Variants in CDH10 observed in about 807,000 individuals in gnomAD.
CDH10 encodes cadherin-10.
A neutral mutation model predicts 73.1 loss-of-function variants in CDH10; 30 were observed. The observed-to-expected ratio is 0.41, with a 90% CI of 0.31 to 0.56. The LOEUF is 0.56. Ranked by LOEUF, CDH10 falls within the 20% of genes least tolerant of loss-of-function variation. CDH10 has a pLI of 0.27. For synonymous variants in CDH10, 345 were observed against 348.2 expected, an observed-to-expected ratio of 0.99 and a Z score of 0.10; for missense variants, 815 against 973.7, an observed-to-expected ratio of 0.84 and a Z score of 2.17.
chr5:24,622,261 T>TTGC (rs1747343585), intron 1 of CDH10, among the ~76,000 whole-genome samples: 3 of 104,742 alleles, frequency 2.9e-5, no homozygotes, highest in Non-Finnish European at 6.2e-5. Context: ...TGTGCGAATG[T>TTGC]TGACAAAATT....
chr5:24,611,677 C>T (rs1746954927), intron 1 of CDH10: 1 of 152,034 alleles, frequency 6.6e-6, no homozygotes, highest in Non-Finnish European at 1.5e-5. Context: ...CCTATGTGAT[C>T]CCATCTTCTT....
rs1747752520 is a variant in CDH10, at chr5:24,632,959, A to G, written c.-124+11635T>C. On this transcript the variant is annotated intron_variant, in intron 1 of 11. Coordinates refer to ENST00000264463, the MANE Select transcript of CDH10 (RefSeq NM_006727.5). ...ATACTTTAGGATGTAACATAAATGT[A>G]TCCAGATCGATTGATAAATAGATAC... 2.6e-5 allele frequency among the ~76,000 whole-genome samples: 4 copies of G among 151,882 alleles called. No homozygotes were observed. The South Asian group carries it at 8.3e-4, about 31-fold the overall frequency.
chr5:24,537,181 A>G (rs1481431830), intron 3 of CDH10, among the ~76,000 whole-genome samples, 199 bp downstream of exon 3: 2 of 151,950 alleles, frequency 1.3e-5, no homozygotes, highest in Non-Finnish European at 2.9e-5. Context: ...TGTATTATAA[A>G]GATTCACAAA....
At chr5:24,618,744 A>C (rs1246021778) in intron 1 of CDH10, among the ~76,000 whole-genome samples, 1 of 152,234 alleles carries the variant, frequency 6.6e-6, no homozygotes, top group African/African-American at 2.4e-5. Context: ...TCAAATGTTT[A>C]TACATAATCA....
At chr5:24,500,712 G>A (rs1422902614) in intron 8 of CDH10, among the ~76,000 whole-genome samples, 2 of 152,196 alleles carry the variant, frequency 1.3e-5, no homozygotes, top group Non-Finnish European at 2.9e-5. Context: ...GAAAGTATCA[G>A]TTTAATGATC....
At chr5:24,542,339 G>A (rs1270885528) in intron 2 of CDH10, among the ~76,000 whole-genome samples, 2 of 152,106 alleles carry the variant, frequency 1.3e-5, no homozygotes, top group African/African-American at 4.8e-5. Context: ...TGTGCCACAT[G>A]AAAACATTTC....
chr5:24,533,578 T>G (rs1332475035), intron 5 of CDH10, among the ~76,000 whole-genome samples: 1 of 152,086 alleles, frequency 6.6e-6, no homozygotes, highest in African/African-American at 2.4e-5. Flanking sequence ...TTTTCTCCAG[T>G]AATAGTTTTG....
intron 1 of CDH10, among the ~76,000 whole-genome samples, chr5:24,637,116 A>G (rs1239614591): frequency 2.6e-5 from 4 of 151,956 alleles, no homozygotes; most frequent in African/African-American, 9.7e-5. Flanking sequence ...TATTTATCAA[A>G]GCTGGAATAT....
At chr5:24,585,316 C>A (rs1299572803) in intron 2 of CDH10, among the ~76,000 whole-genome samples, 1 of 152,140 alleles carries the variant, frequency 6.6e-6, no homozygotes, top group Non-Finnish European at 1.5e-5. Flanking sequence ...GAGTTTGTAT[C>A]ACTCAACAAG....
chr5:24,516,077 C>G (rs372552148), intron 5 of CDH10, among the ~76,000 whole-genome samples: 1 of 152,134 alleles, frequency 6.6e-6, no homozygotes, highest in Admixed American at 6.5e-5. Context: ...CAGACTAATA[C>G]AATGACCCTG....
At chr5:24,506,727 TGAAA>T (rs1298296974) in intron 7 of CDH10, among the ~76,000 whole-genome samples, 2 of 152,192 alleles carry the variant, frequency 1.3e-5, no homozygotes, top group Non-Finnish European at 2.9e-5. Context: ...ATTTGTTAAA[TGAAA>T]GAAAGAATGA....
Position 24,487,941 on chromosome 5 carries a change from T to A in CDH10, c.2089A>T (p.Ile697Phe). 6.2e-7 allele frequency: 1 copy of A among 1,614,004 alleles called. No homozygotes were observed. Among genetic ancestry groups the A allele is most frequent in the Middle Eastern group, 1.6e-4 (1 of 6,062 alleles). ...GGAGCTGTAGGAGTCCTCCGAGGAA[T>A]AAATAACGTTTCTGGAATAATATCT... is the stretch of plus-strand genomic sequence containing the variant. ...RRDIIPETLF[I>F]PRRTPTAPDN... Residue 697 changes from isoleucine (I) to phenylalanine (F), a missense_variant, in exon 12 of 12, where the codon ATT becomes TTT. Coordinates refer to ENST00000264463, the MANE Select transcript of CDH10 (RefSeq NM_006727.5).
intron 8 of CDH10, among the ~76,000 whole-genome samples, chr5:24,500,336 C>T (rs890135975): frequency 1.3e-5 from 2 of 152,150 alleles, no homozygotes; most frequent in Non-Finnish European, 1.5e-5. Flanking sequence ...CAGACAGAAT[C>T]GAAGTGTATT....
intron 11 of CDH10, among the ~76,000 whole-genome samples, chr5:24,491,280 T>C (rs140980474): frequency 2.5e-4 from 38 of 152,316 alleles, no homozygotes; most frequent in Middle Eastern, 6.8e-3. Flanking sequence ...TTTTCCTTTG[T>C]TTACTGCATT....
At chr5:24,596,547 C>T (rs986701267) in intron 1 of CDH10, among the ~76,000 whole-genome samples, 1 of 151,856 alleles carries the variant, frequency 6.6e-6, no homozygotes, top group Admixed American at 6.6e-5. Context: ...AGGCTCAAAT[C>T]AATTAAAATT....
chr5:24,615,449 T>C (rs184968029), intron 1 of CDH10, among the ~76,000 whole-genome samples: 198 of 152,332 alleles, frequency 1.3e-3, no homozygotes, highest in South Asian at 2.7e-3. Flanking sequence ...CTGAAATACA[T>C]TCTACATGAG....
At chr5:24,581,073 C>A (rs1306432577) in intron 2 of CDH10, among the ~76,000 whole-genome samples, 1 of 152,128 alleles carries the variant, frequency 6.6e-6, no homozygotes, top group Admixed American at 6.6e-5. Flanking sequence ...GACATGCTCA[C>A]AGTTGTGAGG....
intron 9 of CDH10, among the ~76,000 whole-genome samples, chr5:24,497,250 G>A (rs187258367): frequency 7.1e-4 from 108 of 152,014 alleles, no homozygotes; most frequent in Middle Eastern, 3.4e-3. Context: ...AAATCAAATA[G>A]AATAACCATA....
Position 24,491,664 on chromosome 5 carries a change from T to C in CDH10, c.1788A>G (p.Gln596=), listed in dbSNP as rs759467183. The part of the protein sequence containing the change: ...VCACDSQGNM[Q]SCSAEALLLP... ...GGAGCAGGGCTTCAGCACTGCAGGA[T>C]TGCATGTTGCCTTGGCTGTCACAAG... Residue 596 remains glutamine (Q), a synonymous_variant, in exon 11 of 12, where the codon CAA becomes CAG. Transcript: ENST00000264463. 9.9e-6 allele frequency: 16 copies of C among 1,613,892 alleles called. No homozygotes were observed. The highest frequency in any genetic ancestry group is 2.2e-5 in the East Asian group (1 of 44,846).
Sources: gnomAD v4.1 joint callset for allele counts (sites outside exome capture counted in the v4.1 genomes callset) on GRCh38, gnomAD v4.1.1 for gene constraint, MANE v1.5 for transcripts, NCBI Gene and HGNC (gene_info 2026-07-23, HGNC 2026-07-21) for gene names.